The following ABTB3 variants were observed in gnomAD, a reference collection of about 807,000 sequenced individuals.
ABTB3 encodes the protein ankyrin repeat and BTB domain containing 3.
chr12:107,442,566 G>T, the ABTB3 span, among the ~76,000 whole-genome samples: 10 of 152,292 alleles, frequency 6.6e-5, no homozygotes, highest in African/African-American at 1.9e-4. Flanking sequence ...AAGTAAAGAG[G>T]CTTGTGGGGC....
chr12:107,370,991 G>A, the ABTB3 span, among the ~76,000 whole-genome samples: 2 of 151,934 alleles, frequency 1.3e-5, no homozygotes, highest in Non-Finnish European at 2.9e-5. Context: ...ATCTCAGCGG[G>A]CATTGTCCTG....
the ABTB3 span, among the ~76,000 whole-genome samples, chr12:107,388,971 G>A: frequency 5.3e-5 from 7 of 133,250 alleles, no homozygotes; most frequent in African/African-American, 1.9e-4. Context: ...CAGAGGAAAA[G>A]CATCAAGTTT....
the ABTB3 span, among the ~76,000 whole-genome samples, chr12:107,428,520 C>T: frequency 3.9e-5 from 6 of 152,316 alleles, no homozygotes; most frequent in South Asian, 1.0e-3. Flanking sequence ...GCACCCTCAC[C>T]TCCTTGGTGG....
the ABTB3 span, among the ~76,000 whole-genome samples, chr12:107,430,317 T>C: frequency 5.9e-5 from 9 of 152,372 alleles, no homozygotes; most frequent in African/African-American, 2.2e-4. Context: ...AACATGACAT[T>C]TGCCCAGGCA....
the ABTB3 span, among the ~76,000 whole-genome samples, chr12:107,524,660 A>T: frequency 1.3e-5 from 2 of 152,236 alleles, no homozygotes; most frequent in Non-Finnish European, 2.9e-5. Flanking sequence ...AGAGGAGGTT[A>T]AACAACTTAT....
At chr12:107,365,928 G>A in the ABTB3 span, among the ~76,000 whole-genome samples, 1 of 152,248 alleles carries the variant, frequency 6.6e-6, no homozygotes, top group Non-Finnish European at 1.5e-5. Context: ...CTCACACTGA[G>A]ATCCGTCAAC....
the ABTB3 span, among the ~76,000 whole-genome samples, chr12:107,370,078 T>C: frequency 6.6e-5 from 10 of 152,246 alleles, no homozygotes; most frequent in African/African-American, 2.4e-4. Flanking sequence ...AAAGCATAGC[T>C]TTCAGTAAAC....
chr12:107,490,804 G>T, the ABTB3 span, among the ~76,000 whole-genome samples: 6 of 152,148 alleles, frequency 3.9e-5, no homozygotes, highest in Admixed American at 2.0e-4. Flanking sequence ...ATGAGAAAGG[G>T]TGCTGGATGT....
the ABTB3 span, among the ~76,000 whole-genome samples, chr12:107,372,875 G>A: frequency 6.6e-6 from 1 of 152,166 alleles, no homozygotes; most frequent in African/African-American, 2.4e-5. Flanking sequence ...TGAGCTGCAG[G>A]GACATTGCCT....
the ABTB3 span, among the ~76,000 whole-genome samples, chr12:107,434,316 A>T: frequency 5.9e-5 from 9 of 152,312 alleles, no homozygotes; most frequent in East Asian, 1.7e-3. Flanking sequence ...GCTGATAGGT[A>T]AAGAAATGCA....
chr12:107,403,055 C>T, the ABTB3 span, among the ~76,000 whole-genome samples: 1 of 152,182 alleles, frequency 6.6e-6, no homozygotes. Context: ...GTGGAGAGGG[C>T]TCCCACAGGC....
the ABTB3 span, among the ~76,000 whole-genome samples, chr12:107,470,135 C>T: frequency 5.9e-5 from 9 of 151,378 alleles, no homozygotes; most frequent in African/African-American, 1.7e-4. Flanking sequence ...ACCTCTCAGG[C>T]TCAAGTGATT....
At chr12:107,493,768 A>G in the ABTB3 span, among the ~76,000 whole-genome samples, 4 of 152,162 alleles carry the variant, frequency 2.6e-5, no homozygotes, top group Non-Finnish European at 4.4e-5. Context: ...CACACTTAAG[A>G]ACACCATGAA....
the ABTB3 span, among the ~76,000 whole-genome samples, chr12:107,568,831 AG>A: frequency 0.096 from 14,688 of 152,208 alleles, 811 homozygotes; most frequent in Middle Eastern, 0.12. Flanking sequence ...ACCGAAGCCC[AG>A]GGGGTGGAAC....
chr12:107,347,747 A>C, the ABTB3 span, among the ~76,000 whole-genome samples: 17 of 152,324 alleles, frequency 1.1e-4, 3 homozygotes, highest in African/African-American at 4.1e-4. Context: ...TACTTTCAAG[A>C]GAGTGGGAAG....
At chr12:107,604,848 A>C in the ABTB3 span, among the ~76,000 whole-genome samples, 1 of 152,232 alleles carries the variant, frequency 6.6e-6, no homozygotes, top group Non-Finnish European at 1.5e-5. Context: ...ACAATTGCCA[A>C]AATATGGAAT....
the ABTB3 span, among the ~76,000 whole-genome samples, chr12:107,398,039 A>G: frequency 1.3e-4 from 20 of 152,216 alleles, no homozygotes; most frequent in Non-Finnish European, 2.2e-4. Flanking sequence ...GAGAACACAC[A>G]GCAGGGGGAT....
chr12:107,441,884 G>A, the ABTB3 span, among the ~76,000 whole-genome samples: 1 of 151,908 alleles, frequency 6.6e-6, no homozygotes, highest in Non-Finnish European at 1.5e-5. Context: ...AGGCTGCAGT[G>A]AGCCATGATC....
chr12:107,643,840 G>A, the ABTB3 span, among the ~76,000 whole-genome samples: 5 of 148,144 alleles, frequency 3.4e-5, no homozygotes, highest in Non-Finnish European at 4.4e-5. Flanking sequence ...CTTGGCTCAC[G>A]GCAACCTCCA....
Sources: allele counts gnomAD v4.1 joint callset (sites outside exome capture counted in the v4.1 genomes callset), GRCh38; gene constraint gnomAD v4.1.1; transcripts MANE v1.5; gene names NCBI Gene and HGNC (gene_info 2026-07-23, HGNC 2026-07-21).